Variants in TTC5 observed in about 807,000 individuals in gnomAD.
TTC5 encodes tetratricopeptide repeat protein 5.
A neutral mutation model predicts 57.4 loss-of-function variants in TTC5; 46 were observed. The observed-to-expected ratio is 0.80, with a 90% CI of 0.63 to 1.03. The LOEUF is 1.03. TTC5 is among the 50% of genes least tolerant of loss of function. The pLI, the probability that TTC5 is intolerant of heterozygous loss-of-function variation, is 0.00. For missense variants in TTC5, 504 were observed against 528.1 expected, an observed-to-expected ratio of 0.95 and a Z score of 0.45; for synonymous variants, 190 against 203.5, an observed-to-expected ratio of 0.93 and a Z score of 0.57.
chr14:20,295,438 G>T lies in TTC5; in HGVS notation c.932C>A (p.Ser311Ter). ...LGPCSDGHYQ[S>*]ASGQKVTLEL... ...CAGGGTCACTTTCTGCCCAGAGGCT[G>T]ACTGATAGTGCCCATCACTGCAAGG... Residue 311 changes from serine (S) to a stop codon, truncating the protein, a stop_gained, in exon 8 of 10, where the codon TCA (serine) becomes TAA (stop). Transcript: ENST00000258821. LOFTEE classifies it high-confidence loss of function. 6.2e-7 allele frequency: 1 copy of T among 1,614,184 alleles called. No individual in the cohort carries two copies.
rs908444455 is a variant in TTC5, at chr14:20,289,331, G to A, written c.*296C>T. 15 of 241,552 alleles carry A rather than the reference G, an allele frequency of 6.2e-5. No homozygotes were observed. Among genetic ancestry groups the A allele is most frequent in the Admixed American group, 6.2e-4 (12 of 19,468 alleles). The allele number at this position is 241,552 out of a possible 1,614,324, so 15.0% of individuals were successfully genotyped here. ...CAACAACAGGAACCTTGGGGACTCT[G>A]TCCCATGGCAAGATCCCAAGACTTC... On this transcript the variant is annotated 3_prime_UTR_variant, in exon 10 of 10. Transcript: ENST00000258821.
rs1304707498 is a variant in TTC5 at position 20,287,378 on chromosome 14, T to C, written c.*2249A>G. The C allele has an allele frequency of 6.6e-6, 1 of 152,168 alleles. No individual in the cohort carries two copies. 9.4% of individuals were successfully genotyped at this position (152,168 alleles called of 1,614,324 possible). ...TTTTGCACTTACATATCAGGACATA[T>C]ACAAGAATATTAATAATGTAGTGCT... On this transcript the variant is annotated 3_prime_UTR_variant, in exon 10 of 10. Transcript: ENST00000258821.
In TTC5 at chr14:20,287,969, A is replaced by G. The variant is rs1468890982; in HGVS notation, c.*1658T>C. The G allele has an allele frequency of 6.6e-6, 1 of 152,210 alleles. No homozygotes were observed. The highest frequency in any genetic ancestry group is 1.5e-5 in the Non-Finnish European group (1 of 68,034). The allele number at this position is 152,210 out of a possible 1,614,324, so 9.4% of individuals were successfully genotyped here. On this transcript the variant is annotated 3_prime_UTR_variant, in exon 10 of 10. Transcript: ENST00000258821. Reference sequence around the variant, plus strand: ...CTAATAAAAACTGTCTCTTGCTACCATAGGTTTTTTTGGTGCAGTCCATGA... The same window carrying G: ...CTAATAAAAACTGTCTCTTGCTACCGTAGGTTTTTTTGGTGCAGTCCATGA...
At chr14:20,301,700 C>A in intron 2 of TTC5, 133 bp downstream of exon 2, 1 of 1,132,598 alleles carries the variant, frequency 8.8e-7, no homozygotes, top group Non-Finnish European at 1.2e-6. Flanking sequence ...GCACAGGGGC[C>A]CTGAGAAGTA....
chr14:20,299,580 G>T, intron 3 of TTC5, 132 bp from the exon 4 acceptor site: 3 of 964,734 alleles, frequency 3.1e-6, no homozygotes, highest in Non-Finnish European at 4.7e-6. Context: ...TTGAGGTGGA[G>T]TCTTGCTCTG....
In TTC5 at chr14:20,300,653, C is replaced by G. The variant is rs1487910160; in HGVS notation, c.350G>C (p.Gly117Ala). The change falls in exon 3 of 10, where the codon GGG (glycine) becomes GCG (alanine). Residue 117 changes from glycine to alanine, a missense_variant. Gly to Ala is a moderately conservative substitution (Grantham distance 60). Coordinates refer to ENST00000258821, the MANE Select transcript of TTC5 (RefSeq NM_138376.3). ...NQLGEVYWKK[G>A]DVAAAHTCFS... is the part of the protein sequence containing the mutation. ...GCAGGTGTGGGCAGCTGCAACATCC[C>G]CTTTTTTCCAGTACACCTCACCCAG... The G allele has an allele frequency of 6.2e-7, 1 of 1,613,974 alleles. No homozygotes were observed. Among genetic ancestry groups the G allele is most frequent in the South Asian group, 1.1e-5 (1 of 91,088 alleles).
chr14:20,297,627 C>A (rs766184389), intron 5 of TTC5, among the ~76,000 whole-genome samples: 2 of 151,918 alleles, frequency 1.3e-5, no homozygotes, highest in Non-Finnish European at 2.9e-5. Context: ...AAAAATTAGG[C>A]GGGCATGGTG....
chr14:20,299,218 C>A, intron 4 of TTC5, 80 bp downstream of exon 4: 2 of 1,503,240 alleles, frequency 1.3e-6, no homozygotes, highest in South Asian at 1.2e-5. Flanking sequence ...GAATCACACT[C>A]AAAAGAGGGA....
Position 20,289,699 on chromosome 14 carries a change from C to T in TTC5, c.1251G>A (p.Val417=). 1.2e-6 allele frequency: 2 copies of T among 1,613,842 alleles called. No homozygotes were observed. Among genetic ancestry groups the T allele is most frequent in the South Asian group, 1.1e-5 (1 of 91,042 alleles). The change falls in exon 10 of 10, where the codon GTG becomes GTA. Residue 417 remains valine (V), a synonymous_variant. Coordinates refer to ENST00000258821, the MANE Select transcript of TTC5 (RefSeq NM_138376.3). ...TGGATCCCTGAGGCTTCCCATTCAC[C>T]ACTAGCAGGAGGGGCGTCTCCACTC... The part of the protein sequence containing the change: ...SVRVETPLLL[V]VNGKPQGSSS...
rs1425076031 is a variant in TTC5, at chr14:20,288,839, C to G, written c.*788G>C. On this transcript the variant is annotated 3_prime_UTR_variant, in exon 10 of 10. Transcript: ENST00000258821. ...AGGATTTATCTAACTCTCTCTGGTC[C>G]TTCAGCCTAGTAACACTATTAGAAC... The G allele has an allele frequency of 6.6e-6, 1 of 152,190 alleles. No individual in the cohort carries two copies. The highest frequency in any genetic ancestry group is 1.5e-5 in the Non-Finnish European group (1 of 68,036). 9.4% of individuals were successfully genotyped at this position (152,190 alleles called of 1,614,324 possible).
intron 1 of TTC5, among the ~76,000 whole-genome samples, chr14:20,302,792 A>G (rs1381078498): frequency 6.6e-6 from 1 of 152,256 alleles, no homozygotes; most frequent in East Asian, 1.9e-4. Flanking sequence ...CACACAGTCA[A>G]AATGCGGTCA....
intron 3 of TTC5, among the ~76,000 whole-genome samples, chr14:20,299,793 T>A (rs1882144764): frequency 6.6e-6 from 1 of 151,638 alleles, no homozygotes; most frequent in Non-Finnish European, 1.5e-5. Flanking sequence ...CCTCAAGTGA[T>A]CTGCCTGCCT....
chr14:20,287,124 A>G lies in TTC5; in HGVS notation c.*2503T>C, dbSNP rs145545178. 30 of 152,320 alleles carry G rather than the reference A, an allele frequency of 2.0e-4. 1 individual carries two copies. In the East Asian group the frequency reaches 5.8e-3, roughly 29 times the overall value. 9.4% of individuals were successfully genotyped at this position (152,320 alleles called of 1,614,324 possible). A position where few individuals can be genotyped will look rare whatever the true frequency, so the allele number is the denominator to read the frequency against. ...ACATGTATATACTCTATGATCCAGC[A>G]ATTCCATTCTATGTCAATACTCTTA... On this transcript the variant is annotated 3_prime_UTR_variant, in exon 10 of 10. Transcript: ENST00000258821.
rs1254259401 is a variant in TTC5 at position 20,300,662 on chromosome 14, C to T, written c.341G>A (p.Trp114Ter). The T allele has an allele frequency of 6.2e-7, 1 of 1,613,892 alleles. No individual in the cohort carries two copies. Among genetic ancestry groups the T allele is most frequent in the Non-Finnish European group, 8.5e-7 (1 of 1,179,998 alleles). The part of the protein sequence containing the change: ...EAWNQLGEVY[W>*]KKGDVAAAHT... Reference sequence around the variant, plus strand: ...GGCAGCTGCAACATCCCCTTTTTTCCAGTACACCTCACCCAGCTGGTTCCA... The same window carrying T: ...GGCAGCTGCAACATCCCCTTTTTTCTAGTACACCTCACCCAGCTGGTTCCA... Residue 114 changes from tryptophan to a stop codon, truncating the protein, a stop_gained, in exon 3 of 10, where the codon TGG (tryptophan) becomes TAG (stop). Transcript: ENST00000258821. LOFTEE classifies it high-confidence loss of function.
chr14:20,303,419 C>T (rs1324944686), intron 1 of TTC5, among the ~76,000 whole-genome samples: 2 of 152,166 alleles, frequency 1.3e-5, no homozygotes, highest in Non-Finnish European at 2.9e-5. Context: ...CTAAGCATTT[C>T]AGATAACAGA....
At chr14:20,291,465 G>C (rs1881951221) in intron 9 of TTC5, among the ~76,000 whole-genome samples, 1 of 152,106 alleles carries the variant, frequency 6.6e-6, no homozygotes, top group African/African-American at 2.4e-5. Context: ...ACATTCATAA[G>C]GTTTTTTTAA....
chr14:20,298,410 A>C (rs1177265526), intron 5 of TTC5, among the ~76,000 whole-genome samples: 1 of 152,240 alleles, frequency 6.6e-6, no homozygotes, highest in African/African-American at 2.4e-5. Flanking sequence ...ATAGCACTTA[A>C]TTTACACTGA....
intron 8 of TTC5, chr14:20,293,866 T>C (rs903831534): frequency 5.9e-5 from 9 of 152,200 alleles, no homozygotes; most frequent in African/African-American, 2.2e-4. Context: ...AGGTGAGTAA[T>C]ACTGAAATAC....
At chr14:20,300,540 A>G (rs1177323117) in intron 3 of TTC5, 67 bp downstream of exon 3, 2 of 1,390,584 alleles carry the variant, frequency 1.4e-6, no homozygotes, top group African/African-American at 2.9e-5. Flanking sequence ...GTCCTAGGGA[A>G]ACTCATAGAA....
Sources: gnomAD v4.1 joint callset for allele counts (sites outside exome capture counted in the v4.1 genomes callset) on GRCh38, gnomAD v4.1.1 for gene constraint, MANE v1.5 for transcripts, NCBI Gene and HGNC (gene_info 2026-07-23, HGNC 2026-07-21) for gene names.